The following DEF8 variants were observed in gnomAD, a reference collection of about 807,000 sequenced individuals.
The protein encoded by DEF8 is DEF-8.
A neutral mutation model predicts 59.1 loss-of-function variants in DEF8; 38 were observed. That is an observed-to-expected ratio of 0.64 (90% confidence interval 0.50 to 0.84). DEF8 has a LOEUF of 0.84. Among genes scored for constraint, DEF8 ranks in the 40% least tolerant of loss-of-function variants. The pLI, the probability that DEF8 is intolerant of heterozygous loss-of-function variation, is 0.00. For synonymous variants in DEF8, 265 were observed against 250.1 expected (o/e 1.06, Z -0.56); for missense variants, 557 against 615.2 (o/e 0.91, Z 1.00).
intron 9 of DEF8, among the ~76,000 whole-genome samples, 188 bp from the exon 10 acceptor site, chr16:89,963,175 T>C (rs2034252772): frequency 6.6e-6 from 1 of 152,166 alleles, no homozygotes; most frequent in Admixed American, 6.5e-5. Flanking sequence ...TGGACCACGG[T>C]AAGTGAGCCT....
chr16:89,954,319 G>A lies in DEF8; in HGVS notation c.67G>A (p.Gly23Arg). ...CCTCAACCCCTTCAACAAGCAGTCT[G>A]GGCCGAGACAGCATGAGCAGGGCCC... ...AHLNPFNKQS[G>R]PRQHEQGPGE... Residue 23 changes from glycine (G) to arginine (R), a missense_variant, in exon 3 of 13, where the codon GGG (glycine) becomes AGG (arginine). Physicochemically the swap from Gly to Arg is moderately radical, Grantham distance 125. Transcript: ENST00000563594. The surrounding 1 kb of genome is among the most constrained non-coding windows in gnomAD (Gnocchi z 4.3). 1.2e-6 allele frequency: 2 copies of A among 1,613,842 alleles called. No individual in the cohort carries two copies. Among genetic ancestry groups the A allele is most frequent in the Non-Finnish European group, 1.7e-6 (2 of 1,179,972 alleles).
In DEF8 at chr16:89,966,038, C is replaced by A; in HGVS notation, c.*75C>A. The stretch of plus-strand genomic sequence containing the variant: ...TGCCAACATCAAGTTGTTCCTTCTG[C>A]TCCGGAGACCCCTGGGGTGCGGCCC... On this transcript the variant is annotated 3_prime_UTR_variant, in exon 13 of 13. Transcript: ENST00000563594. 1.7e-6 allele frequency: 2 copies of A among 1,209,832 alleles called. No homozygotes were observed. Among genetic ancestry groups the A allele is most frequent in the Non-Finnish European group, 2.4e-6 (2 of 842,910 alleles). The allele number at this position is 1,209,832 out of a possible 1,614,324, so 74.9% of individuals were successfully genotyped here.
intron 9 of DEF8, among the ~76,000 whole-genome samples, chr16:89,962,398 C>A (rs2034142310): frequency 6.6e-6 from 1 of 152,218 alleles, no homozygotes; most frequent in Admixed American, 6.5e-5. Flanking sequence ...GGTGCTCACA[C>A]CTGTAATCCC....
chr16:89,966,605 T>A lies in DEF8; in HGVS notation c.*642T>A, dbSNP rs1314116372. 6.5e-6 allele frequency: 1 copy of A among 152,726 alleles called. No individual in the cohort carries two copies. The highest frequency in any genetic ancestry group is 1.9e-4 in the East Asian group (1 of 5,186). 9.5% of individuals were successfully genotyped at this position (152,726 alleles called of 1,614,324 possible). A position where few individuals can be genotyped will look rare whatever the true frequency, so the allele number is the denominator to read the frequency against. On this transcript the variant is annotated 3_prime_UTR_variant, in exon 13 of 13. Coordinates refer to ENST00000563594, the MANE Select transcript of DEF8 (RefSeq NM_001242818.2). ...AGGCCTCATCGGATGGTCAGTACAG[T>A]GGGGTCACCTGTTGTTTCTATACAA...
rs968990193 is a variant in DEF8 at position 89,967,904 on chromosome 16, TC to T, written c.*1942del. ...GTAAACGGAATCACGTATGGTTCTT[TC>T]TGTGGGTCTGTGGCACAGCAGGAAG... On this transcript the variant is annotated 3_prime_UTR_variant, in exon 13 of 13. Coordinates refer to ENST00000563594, the MANE Select transcript of DEF8 (RefSeq NM_001242818.2). 1.3e-5 allele frequency: 2 copies of T among 153,588 alleles called. No homozygotes were observed. Among genetic ancestry groups the T allele is most frequent in the African/African-American group, 4.8e-5 (2 of 41,518 alleles). 9.5% of individuals were successfully genotyped at this position (153,588 alleles called of 1,614,324 possible). A position where few individuals can be genotyped will look rare whatever the true frequency, so the allele number is the denominator to read the frequency against.
intron 3 of DEF8, 127 bp from the exon 4 acceptor site, chr16:89,955,034 CAGCTCTCA>C: frequency 1.5e-6 from 1 of 660,150 alleles, no homozygotes. Flanking sequence ...GAGTGGTGCC[CAGCTCTCA>C]CGGTGCCTCC....
intron 7 of DEF8, among the ~76,000 whole-genome samples, chr16:89,961,485 A>C (rs917807782): frequency 2.0e-5 from 3 of 152,156 alleles, no homozygotes; most frequent in African/African-American, 7.2e-5. Context: ...TCTTCTTTCT[A>C]GAGAGTTGCT....
At chr16:89,961,213 G>C in intron 7 of DEF8, 118 bp downstream of exon 7, 1 of 1,319,302 alleles carries the variant, frequency 7.6e-7, no homozygotes, top group Non-Finnish European at 1.0e-6. Flanking sequence ...GGCAGTGCCT[G>C]CTTGATATCT....
In DEF8 at chr16:89,965,320, T is replaced by C. The variant is rs146471553; in HGVS notation, c.1254-541T>C. On this transcript the variant is annotated intron_variant, in intron 12 of 12. Transcript: ENST00000563594. Reference sequence around the variant, plus strand: ...TGTCCCCTGATTTTTGCCTGGAATTTGCTATTTTTCATAGCAACTGCTGAA... The same window carrying C: ...TGTCCCCTGATTTTTGCCTGGAATTCGCTATTTTTCATAGCAACTGCTGAA... Among the ~76,000 whole-genome samples, 479 of 152,298 alleles carry C rather than the reference T, an allele frequency of 3.1e-3. 2 individuals carry two copies. The highest frequency in any genetic ancestry group is 0.011 in the African/African-American group (461 of 41,552).
intron 6 of DEF8, among the ~76,000 whole-genome samples, chr16:89,959,699 G>A (rs182903389): frequency 9.9e-5 from 15 of 152,282 alleles, no homozygotes; most frequent in African/African-American, 1.4e-4. Flanking sequence ...GGGTTTCACC[G>A]TGTTAGCCAG....
chr16:89,952,991 G>A (rs1052082955), intron 2 of DEF8, among the ~76,000 whole-genome samples: 5 of 152,204 alleles, frequency 3.3e-5, no homozygotes, highest in Non-Finnish European at 5.9e-5. Context: ...GAGCAGGGCC[G>A]TCCCCTCTGG....
intron 2 of DEF8, among the ~76,000 whole-genome samples, chr16:89,952,364 G>A (rs2032319581): frequency 6.6e-6 from 1 of 152,162 alleles, no homozygotes; most frequent in African/African-American, 2.4e-5. Flanking sequence ...CTATAAATCA[G>A]GGAGAACACG....
At chr16:89,949,318 G>C in intron 1 of DEF8, 99 bp from the exon 2 acceptor site, 1 of 972,022 alleles carries the variant, frequency 1.0e-6, no homozygotes, top group Non-Finnish European at 1.5e-6. Flanking sequence ...GAACGGGTGG[G>C]TGGGAGAGAC....
In DEF8 at chr16:89,964,533, G is replaced by A; in HGVS notation, c.1211G>A (p.Ser404Asn). 1 of 1,594,048 alleles carries A rather than the reference G, an allele frequency of 6.3e-7. No individual in the cohort carries two copies. Among genetic ancestry groups the A allele is most frequent in the Non-Finnish European group, 8.5e-7 (1 of 1,171,114 alleles). Residue 404 changes from serine (S) to asparagine (N), a missense_variant, in exon 12 of 13, where the codon AGC (serine) becomes AAC (asparagine). By Grantham distance (46) the Ser-to-Asn change is conservative. Transcript: ENST00000563594. ...REGDVLFPFD[S>N]HTSVCADCSA... ...GGCGACGTGCTGTTCCCGTTCGACA[G>A]CCACACGTCTGTGTGCGCCGACTGC...
rs976491533 is a variant in DEF8, at chr16:89,950,310, C to G, written c.-11+797C>G. On this transcript the variant is annotated intron_variant, in intron 2 of 12. Transcript: ENST00000563594. ...TGACATCATAAACAAGTCCTTAGCCCTTCCATCCACCCCAGAAAGTAGGTG... is the reference window on the plus strand; with the variant it reads ...TGACATCATAAACAAGTCCTTAGCCGTTCCATCCACCCCAGAAAGTAGGTG... 8 of 985,384 alleles carry G rather than the reference C, an allele frequency of 8.1e-6. No individual in the cohort carries two copies. The African/African-American group carries it at 1.4e-4, about 17-fold the overall frequency. 61.0% of individuals were successfully genotyped at this position (985,384 alleles called of 1,614,324 possible).
At chr16:89,960,904 T>C (rs2033942031) in intron 6 of DEF8, 27 bp from the exon 7 acceptor site, 1 of 1,603,192 alleles carries the variant, frequency 6.2e-7, no homozygotes, top group African/African-American at 1.3e-5. Context: ...TTCCCGCTTT[T>C]GAGAAGTGTG....
chr16:89,949,651 C>T lies in DEF8; in HGVS notation c.-11+138C>T, dbSNP rs753374865. The T allele has an allele frequency of 8.7e-6, 14 of 1,601,662 alleles. No homozygotes were observed. The East Asian group carries it at 1.8e-4, about 20-fold the overall frequency. On this transcript the variant is annotated intron_variant, in intron 2 of 12. Coordinates refer to ENST00000563594, the MANE Select transcript of DEF8 (RefSeq NM_001242818.2). ...CGCGGGAGGCCAGGTCCGTGCATCCCGCGTGTCCTGAGCTTCGGCCCAGGG... is the reference window on the plus strand; with the variant it reads ...CGCGGGAGGCCAGGTCCGTGCATCCTGCGTGTCCTGAGCTTCGGCCCAGGG...
Position 89,964,583 on chromosome 16 carries a change from T to A in DEF8, c.1253+8T>A. 1 of 1,553,346 alleles carries A rather than the reference T, an allele frequency of 6.4e-7. No individual in the cohort carries two copies. The highest frequency in any genetic ancestry group is 8.7e-7 in the Non-Finnish European group (1 of 1,150,812). On this transcript the variant is annotated splice_region_variant and intron_variant, in intron 12 of 12. Transcript: ENST00000563594. ...CTCCGCGGTCTTCCACAGGTGGGTG[T>A]GGCCTGGGCCCCGCACTCGGGGGCT... is the stretch of plus-strand genomic sequence containing the variant.
Position 89,963,350 on chromosome 16 carries a change from G to T in DEF8, c.922-13G>T, listed in dbSNP as rs985837438. ...TGGCTGAGGAGGCCTGCCTGCTCCCGCCTTGTTTGCAGAAGCTGCGCCAGG... is the reference window on the plus strand; with the variant it reads ...TGGCTGAGGAGGCCTGCCTGCTCCCTCCTTGTTTGCAGAAGCTGCGCCAGG... On this transcript the variant is annotated splice_polypyrimidine_tract_variant and intron_variant, in intron 9 of 12. Coordinates refer to ENST00000563594, the MANE Select transcript of DEF8 (RefSeq NM_001242818.2). 6.2e-7 allele frequency: 1 copy of T among 1,612,288 alleles called. No individual in the cohort carries two copies. Among genetic ancestry groups the T allele is most frequent in the African/African-American group, 1.3e-5 (1 of 74,810 alleles).
Sources: allele counts gnomAD v4.1 joint callset (sites outside exome capture counted in the v4.1 genomes callset), GRCh38; gene constraint gnomAD v4.1.1; non-coding constraint Gnocchi (gnomAD v3.1); transcripts MANE v1.5; gene names NCBI Gene and HGNC (gene_info 2026-07-23, HGNC 2026-07-21).